Variants in FOXN3 observed in about 807,000 individuals in gnomAD.
FOXN3 encodes the protein forkhead box protein N3.
Under a neutral mutation model 38.4 loss-of-function variants are expected in FOXN3, and 7 were observed. The observed-to-expected ratio is 0.18, with a 90% CI of 0.10 to 0.34. FOXN3 has a LOEUF of 0.34. Among genes scored for constraint, FOXN3 ranks in the 10% least tolerant of loss-of-function variants. The pLI is 1.00. For synonymous variants in FOXN3, 230 were observed against 242.2 expected, an observed-to-expected ratio of 0.95 and a Z score of 0.47; for missense variants, 456 against 613.4, an observed-to-expected ratio of 0.74 and a Z score of 2.71.
intron 4 of FOXN3, among the ~76,000 whole-genome samples, chr14:89,201,732 T>G (rs1222166817): frequency 6.6e-6 from 1 of 152,204 alleles, no homozygotes; most frequent in Non-Finnish European, 1.5e-5. Context: ...TAAGGTCATC[T>G]TCCCCAGTGA....
intron 4 of FOXN3, among the ~76,000 whole-genome samples, chr14:89,244,361 C>T (rs969874059): frequency 6.6e-6 from 1 of 152,186 alleles, no homozygotes; most frequent in Non-Finnish European, 1.5e-5. Flanking sequence ...CATCTATAAG[C>T]CCTCCTATTG....
chr14:89,523,279 A>G (rs969720911), intron 1 of FOXN3, among the ~76,000 whole-genome samples: 1 of 152,176 alleles, frequency 6.6e-6, no homozygotes, highest in African/African-American at 2.4e-5. Context: ...GATTTCAGCA[A>G]CCTTCTCTAG....
intron 1 of FOXN3, among the ~76,000 whole-genome samples, chr14:89,616,056 A>G (rs1596333983): frequency 6.6e-6 from 1 of 152,250 alleles, no homozygotes; most frequent in Admixed American, 6.5e-5. Context: ...TATCAAGAAC[A>G]TAAAATCTGA....
intron 3 of FOXN3, chr14:89,291,660 C>G (rs1299901449): frequency 2.2e-6 from 1 of 447,186 alleles, no homozygotes; most frequent in Non-Finnish European, 4.4e-6. Context: ...CTCATGCTCT[C>G]TTCCTGTGGC....
intron 2 of FOXN3, among the ~76,000 whole-genome samples, chr14:89,354,652 C>T (rs756063124): frequency 2.6e-4 from 39 of 150,952 alleles, no homozygotes; most frequent in African/African-American, 5.1e-4. Context: ...GTCAGGAGTT[C>T]GAAACCAGCC....
At position 89,371,628 on chromosome 14, in the gene FOXN3, T is replaced by C. The variant is rs530233078; in HGVS notation, c.544-20820A>G. Among the ~76,000 whole-genome samples the C allele has an allele frequency of 6.8e-4, 104 of 152,162 alleles. 1 individual carries two copies. The highest frequency in any genetic ancestry group is 5.0e-3 in the South Asian group (24 of 4,816). Reference sequence around the variant, plus strand: ...GCAGAGCACCTCTTTAGCCTCCTCCTGCCTGCTCCTAGCCCCAGGAGACTG... The same window carrying C: ...GCAGAGCACCTCTTTAGCCTCCTCCCGCCTGCTCCTAGCCCCAGGAGACTG... On this transcript the variant is annotated intron_variant, in intron 2 of 5. Transcript: ENST00000557258.
chr14:89,225,506 A>G (rs1422931832), intron 4 of FOXN3, among the ~76,000 whole-genome samples: 1 of 152,090 alleles, frequency 6.6e-6, no homozygotes, highest in Non-Finnish European at 1.5e-5. Flanking sequence ...TGGGAGGCTG[A>G]GGCAGGAGAA....
At chr14:89,355,965 T>TG (rs1233410230) in intron 2 of FOXN3, among the ~76,000 whole-genome samples, 1 of 151,744 alleles carries the variant, frequency 6.6e-6, no homozygotes, top group Non-Finnish European at 1.5e-5. Context: ...GCACCACCTC[T>TG]GCCCAGGCCT....
chr14:89,477,634 G>GAATACACC (rs1893238700), intron 1 of FOXN3, among the ~76,000 whole-genome samples: 1 of 152,176 alleles, frequency 6.6e-6, no homozygotes, highest in African/African-American at 2.4e-5. Context: ...TGCATCTTGA[G>GAATACACC]AATACACCAC....
chr14:89,387,253 C>CTCAA lies in FOXN3; in HGVS notation c.543+24677_543+24680dup, dbSNP rs575796900. The stretch of plus-strand genomic sequence containing the variant: ...CTTGGGAGACAGAGCAAAATTCTGT[C>CTCAA]TCAATCAATCAATCAATCAATCAAT... On this transcript the variant is annotated intron_variant, in intron 2 of 5. Transcript: ENST00000557258. Among the ~76,000 whole-genome samples the CTCAA allele has an allele frequency of 3.0e-3, 453 of 152,188 alleles. 3 individuals are homozygous for CTCAA. The highest frequency in any genetic ancestry group is 9.6e-3 in the African/African-American group (400 of 41,506).
chr14:89,329,356 G>A (rs1304433672), intron 3 of FOXN3, among the ~76,000 whole-genome samples: 1 of 152,102 alleles, frequency 6.6e-6, no homozygotes, highest in Non-Finnish European at 1.5e-5. Context: ...TTTAAAACTC[G>A]GAACATAGCA....
intron 1 of FOXN3, among the ~76,000 whole-genome samples, chr14:89,555,881 GGGGGTGTA>G (rs1895111410): frequency 1.7e-5 from 2 of 115,460 alleles, no homozygotes; most frequent in African/African-American, 2.7e-5. Context: ...GTGTGTATGT[GGGGGTGTA>G]TGTGGGGGTG....
intron 4 of FOXN3, among the ~76,000 whole-genome samples, chr14:89,232,538 T>C (rs1884847117): frequency 6.6e-6 from 1 of 152,230 alleles, no homozygotes; most frequent in African/African-American, 2.4e-5. Flanking sequence ...TCTCCGTGCC[T>C]ACGCGGGCTG....
rs902837601 is a variant in FOXN3, at chr14:89,163,907, A to C, written c.852-938T>G. ...ACCGACCCTCCTTTGTGATTTCCCT[A>C]TAACAAGGTCCCTGCTACCCATGCC... On this transcript the variant is annotated intron_variant, in intron 5 of 5. Coordinates refer to ENST00000557258, the MANE Select transcript of FOXN3 (RefSeq NM_005197.4). This position sits in a 1 kb window ranked among gnomAD's most constrained non-coding sequence, Gnocchi z 4.3. Among the ~76,000 whole-genome samples the C allele has an allele frequency of 6.6e-6, 1 of 152,206 alleles. No homozygotes were observed. Among genetic ancestry groups the C allele is most frequent in the Admixed American group, 6.5e-5 (1 of 15,282 alleles).
intron 1 of FOXN3, among the ~76,000 whole-genome samples, chr14:89,414,319 A>T (rs1031145265): frequency 6.6e-6 from 1 of 151,848 alleles, no homozygotes; most frequent in Non-Finnish European, 1.5e-5. Flanking sequence ...AAATAAAATT[A>T]AAAAGGCAAA....
intron 1 of FOXN3, among the ~76,000 whole-genome samples, chr14:89,433,768 C>T (rs1418326613): frequency 6.8e-6 from 1 of 147,714 alleles, no homozygotes; most frequent in Non-Finnish European, 1.5e-5. Flanking sequence ...GCTGAGATCA[C>T]GCCACTTCAC....
rs544456438 is a variant in FOXN3 at position 89,249,866 on chromosome 14, T to C, written c.745+31084A>G. Among the ~76,000 whole-genome samples the C allele has an allele frequency of 7.2e-5, 11 of 152,344 alleles. No homozygotes were observed. The East Asian group carries it at 1.5e-3, about 21-fold the overall frequency. On this transcript the variant is annotated intron_variant, in intron 4 of 5. Transcript: ENST00000557258. ...GAGGTAACAGCGGTTCTATACATTTTTTAATGATTGAAAAAAAAGTCATCA... is the reference window on the plus strand; with the variant it reads ...GAGGTAACAGCGGTTCTATACATTTCTTAATGATTGAAAAAAAAGTCATCA...
chr14:89,355,599 G>A (rs1013369803), intron 2 of FOXN3, among the ~76,000 whole-genome samples: 12 of 152,120 alleles, frequency 7.9e-5, no homozygotes, highest in Non-Finnish European at 1.3e-4. Flanking sequence ...TGAAATGAAC[G>A]GAATGGATCA....
intron 2 of FOXN3, among the ~76,000 whole-genome samples, chr14:89,376,021 G>C (rs991915875): frequency 6.6e-6 from 1 of 152,104 alleles, no homozygotes; most frequent in South Asian, 2.1e-4. Flanking sequence ...GACCTCAAAT[G>C]ATCCACCTGC....
Sources: gnomAD v4.1 joint callset for allele counts (sites outside exome capture counted in the v4.1 genomes callset) on GRCh38, gnomAD v4.1.1 for gene constraint, Gnocchi (gnomAD v3.1) non-coding constraint, MANE v1.5 for transcripts, NCBI Gene and HGNC (gene_info 2026-07-23, HGNC 2026-07-21) for gene names.